The following CEMIP variants were observed in gnomAD, a reference collection of about 807,000 sequenced individuals.
CEMIP encodes the protein cell migration-inducing and hyaluronan-binding protein.
CEMIP carries 105 observed loss-of-function variants against 156.9 expected under a neutral mutation model. The ratio of observed to expected loss-of-function variants is 0.67; its 90% CI spans 0.57 to 0.79. The LOEUF is 0.79. Ranked by LOEUF, CEMIP falls within the 30% of genes least tolerant of loss-of-function variation. CEMIP has a pLI of 0.00. For missense variants in CEMIP, 1,457 were observed against 1,769.4 expected (o/e 0.82, Z 3.17); for synonymous variants, 676 against 668.4 (o/e 1.01, Z -0.17).
chr15:80,798,902 C>G (rs904978159), intron 1 of CEMIP, among the ~76,000 whole-genome samples: 1 of 152,174 alleles, frequency 6.6e-6, no homozygotes, highest in African/African-American at 2.4e-5. Flanking sequence ...AGTTCTTTGA[C>G]CTGTCTCAAA....
chr15:80,884,127 T>C (rs1898754300), intron 6 of CEMIP, 48 bp from the exon 7 acceptor site: 1 of 1,592,624 alleles, frequency 6.3e-7, no homozygotes, highest in African/African-American at 1.3e-5. Context: ...GCTCTTTGTT[T>C]TGGCTGCGGT....
Position 80,833,730 on chromosome 15 carries a change from A to T in CEMIP, c.-175-39808A>T, listed in dbSNP as rs143452570. Among the ~76,000 whole-genome samples the T allele has an allele frequency of 7.5e-3, 1,099 of 145,952 alleles. 15 individuals are homozygous for T. Among genetic ancestry groups the T allele is most frequent in the African/African-American group, 0.026 (1,021 of 39,128 alleles). ...GTCACCCAGGCTGGAGTGCAGTGGC[A>T]TGATCTCTGTTCACTGCAATCTCTG... On this transcript the variant is annotated intron_variant, in intron 1 of 29. Coordinates refer to ENST00000394685, the MANE Select transcript of CEMIP (RefSeq NM_001293298.2).
chr15:80,785,344 C>G (rs1168987983), intron 1 of CEMIP, among the ~76,000 whole-genome samples: 2 of 152,292 alleles, frequency 1.3e-5, no homozygotes, highest in African/African-American at 4.8e-5. Context: ...TCCTCAACCC[C>G]CTCCCTGTGG....
rs774209975 is a variant in CEMIP at position 80,880,900 on chromosome 15, G to C, written c.381G>C (p.Arg127Ser). The change falls in exon 6 of 30, where the codon AGG (arginine) becomes AGC (serine). Residue 127 changes from arginine (R) to serine (S), a missense_variant and splice_region_variant. Arg to Ser is a moderately radical substitution (Grantham distance 110). This residue lies in a region of CEMIP where 309 missense variants were observed against 340.8 expected (regional missense o/e 0.91). Transcript: ENST00000394685. ...TCTGGGGAGCTGTTTTCTCTTGCAG[G>C]GCTGATGAAGGTATTCAGCCGGATC... The part of the protein sequence containing the change: ...QGNFTIILYG[R>S]ADEGIQPDPY... 6 of 1,613,326 alleles carry C rather than the reference G, an allele frequency of 3.7e-6. No individual in the cohort carries two copies. The highest frequency in any genetic ancestry group is 4.5e-5 in the East Asian group (2 of 44,886).
At position 80,919,393 on chromosome 15, in the gene CEMIP, G is replaced by C. The variant is rs146843144; in HGVS notation, c.1798-701G>C. ...ACTCAGCTGTGTGCTCCATCAGGGT[G>C]GGTGCACGTGGCCCAGCCCATGGCC... On this transcript the variant is annotated intron_variant, in intron 14 of 29. Coordinates refer to ENST00000394685, the MANE Select transcript of CEMIP (RefSeq NM_001293298.2). Among the ~76,000 whole-genome samples, 1,096 of 152,260 alleles carry C rather than the reference G, an allele frequency of 7.2e-3. 12 individuals carry two copies. The highest frequency in any genetic ancestry group is 0.025 in the African/African-American group (1,044 of 41,538).
chr15:80,945,920 G>A (rs760393031), intron 28 of CEMIP, among the ~76,000 whole-genome samples: 2 of 152,156 alleles, frequency 1.3e-5, no homozygotes, highest in African/African-American at 4.8e-5. Context: ...TTCCCAAGTC[G>A]AACTTTTGCA....
In CEMIP at chr15:80,879,782, A is replaced by G; in HGVS notation, c.308A>G (p.Asn103Ser). 4 of 1,614,196 alleles carry G rather than the reference A, an allele frequency of 2.5e-6. No homozygotes were observed. The highest frequency in any genetic ancestry group is 1.6e-4 in the Middle Eastern group (1 of 6,062). ...VLRTRHILIDNGGELHAGSAL... is the reference protein window; with the variant it reads ...VLRTRHILIDSGGELHAGSAL... ...CGAACCCGGCACATCCTGATTGACA[A>G]CGGAGGAGAGCTGCATGCTGGGAGT... The change falls in exon 5 of 30, where the codon AAC (asparagine) becomes AGC (serine). Residue 103 changes from asparagine to serine, a missense_variant. This residue lies in a region of CEMIP where 309 missense variants were observed against 340.8 expected (regional missense o/e 0.91). Coordinates refer to ENST00000394685, the MANE Select transcript of CEMIP (RefSeq NM_001293298.2).
At chr15:80,801,375 C>T (rs1347903090) in intron 1 of CEMIP, among the ~76,000 whole-genome samples, 6 of 152,220 alleles carry the variant, frequency 3.9e-5, no homozygotes, top group Non-Finnish European at 7.3e-5. Flanking sequence ...GCTCTCAATT[C>T]AGTGGATGAG....
intron 1 of CEMIP, among the ~76,000 whole-genome samples, chr15:80,851,588 A>C (rs576427145): frequency 6.6e-6 from 1 of 152,296 alleles, no homozygotes; most frequent in South Asian, 2.1e-4. Context: ...GAAATTTATT[A>C]AAGGCTTGAT....
Position 80,879,783 on chromosome 15 carries a change from C to T in CEMIP, c.309C>T (p.Asn103=), listed in dbSNP as rs774535416. Residue 103 remains asparagine (N), a synonymous_variant, in exon 5 of 30, where the codon AAC becomes AAT. Transcript: ENST00000394685. ...VLRTRHILID[N]GGELHAGSAL... Reference sequence around the variant, plus strand: ...GAACCCGGCACATCCTGATTGACAACGGAGGAGAGCTGCATGCTGGGAGTG... The same window carrying T: ...GAACCCGGCACATCCTGATTGACAATGGAGGAGAGCTGCATGCTGGGAGTG... The T allele has an allele frequency of 1.5e-5, 24 of 1,614,166 alleles. No individual in the cohort carries two copies. Among genetic ancestry groups the T allele is most frequent in the African/African-American group, 2.7e-5 (2 of 75,046 alleles).
intron 1 of CEMIP, among the ~76,000 whole-genome samples, chr15:80,801,848 T>A (rs991651597): frequency 2.0e-5 from 3 of 152,268 alleles, no homozygotes; most frequent in African/African-American, 7.2e-5. Context: ...ACTATTTTTC[T>A]TGTCCTTACA....
At chr15:80,843,966 C>A (rs1897491978) in intron 1 of CEMIP, among the ~76,000 whole-genome samples, 1 of 152,248 alleles carries the variant, frequency 6.6e-6, no homozygotes, top group African/African-American at 2.4e-5. Context: ...GGCTTCCTGG[C>A]AAATTAGTGA....
At chr15:80,912,272 C>A (rs1412558674) in intron 14 of CEMIP, among the ~76,000 whole-genome samples, 13 of 152,222 alleles carry the variant, frequency 8.5e-5, no homozygotes, top group African/African-American at 1.2e-4. Context: ...ACGTGGGTCA[C>A]TTCTACCCAC....
intron 1 of CEMIP, among the ~76,000 whole-genome samples, chr15:80,782,521 C>T (rs974217920): frequency 5.9e-5 from 9 of 152,152 alleles, no homozygotes; most frequent in African/African-American, 2.2e-4. Context: ...GTCTGGTAGA[C>T]ATCACTAATA....
At chr15:80,917,635 G>A (rs1246658195) in intron 14 of CEMIP, among the ~76,000 whole-genome samples, 2 of 152,222 alleles carry the variant, frequency 1.3e-5, no homozygotes, top group East Asian at 1.9e-4. Flanking sequence ...TATTACTAAA[G>A]ATGAAGGGAA....
intron 1 of CEMIP, among the ~76,000 whole-genome samples, chr15:80,792,467 G>C (rs145133510): frequency 6.6e-6 from 1 of 152,092 alleles, no homozygotes; most frequent in Non-Finnish European, 1.5e-5. Context: ...CTTTGGACAG[G>C]TTACTTCACC....
In CEMIP at chr15:80,884,336, T is replaced by C. The variant is rs1302358256; in HGVS notation, c.779T>C (p.Phe260Ser). ...KAMTKLGSKH[F>S]LHLGFRHPWS... is the part of the protein sequence containing the mutation. ...ATGACCAAATTGGGAAGCAAACACT[T>C]CCTGCACCTTGGATTTAGGTACTGC... is the stretch of plus-strand genomic sequence containing the variant. The change falls in exon 7 of 30, where the codon TTC becomes TCC. Residue 260 changes from phenylalanine (F) to serine (S), a missense_variant. Physicochemically the swap from Phe to Ser is radical, Grantham distance 155. Transcript: ENST00000394685. 3 of 1,614,060 alleles carry C rather than the reference T, an allele frequency of 1.9e-6. No individual in the cohort carries two copies. The highest frequency in any genetic ancestry group is 2.5e-6 in the Non-Finnish European group (3 of 1,180,036).
rs995986525 is a variant in CEMIP at position 80,906,378 on chromosome 15, C to G, written c.1412-285C>G. Among the ~76,000 whole-genome samples, 1 of 152,194 alleles carries G rather than the reference C, an allele frequency of 6.6e-6. No homozygotes were observed. Among genetic ancestry groups the G allele is most frequent in the African/African-American group, 2.4e-5 (1 of 41,450 alleles). On this transcript the variant is annotated intron_variant, in intron 12 of 29. Coordinates refer to ENST00000394685, the MANE Select transcript of CEMIP (RefSeq NM_001293298.2). The surrounding 1 kb of genome is among the most constrained non-coding windows in gnomAD (Gnocchi z 4.3). ...GGTGGCCCTGTGTCCAGCTAAAATGCAGGAGTCTAGGACTGAAAAACAGAA... is the reference window on the plus strand; with the variant it reads ...GGTGGCCCTGTGTCCAGCTAAAATGGAGGAGTCTAGGACTGAAAAACAGAA...
chr15:80,873,923 T>A lies in CEMIP; in HGVS notation c.44T>A (p.Leu15Gln), dbSNP rs1425069431. 1 of 1,581,046 alleles carries A rather than the reference T, an allele frequency of 6.3e-7. No individual in the cohort carries two copies. The highest frequency in any genetic ancestry group is 1.2e-5 in the South Asian group (1 of 86,246). ...GRQDFLFKAM[L>Q]TISWLTLTCF... ...CAGGACTTCCTCTTCAAGGCCATGC[T>A]GACCATCAGCTGGCTCACTCTGACC... The change falls in exon 3 of 30, where the codon CTG becomes CAG. Residue 15 changes from leucine (L) to glutamine (Q), a missense_variant. Around this residue, in one of 5 missense-constraint regions of CEMIP, gnomAD observed 309 missense variants for 340.8 expected, o/e 0.91. Coordinates refer to ENST00000394685, the MANE Select transcript of CEMIP (RefSeq NM_001293298.2).
Sources: gnomAD v4.1 joint callset for allele counts (sites outside exome capture counted in the v4.1 genomes callset) on GRCh38, gnomAD v4.1.1 for gene constraint, gnomAD v4.1.1 regional missense constraint, Gnocchi (gnomAD v3.1) non-coding constraint, MANE v1.5 for transcripts, NCBI Gene and HGNC (gene_info 2026-07-23, HGNC 2026-07-21) for gene names.